Variants in CCSER2 observed in about 807,000 individuals in gnomAD.
CCSER2 encodes the protein coiled-coil serine rich protein 2, also known as serine-rich coiled-coil domain-containing protein 2.
In CCSER2, 46 loss-of-function variants were observed where a neutral mutation model predicts 92.3. That is an observed-to-expected ratio of 0.50 (90% CI 0.39 to 0.64). CCSER2 has a LOEUF of 0.64. Among genes scored for constraint, CCSER2 ranks in the 30% least tolerant of loss-of-function variants. CCSER2 has a pLI of 0.00. For synonymous variants in CCSER2, 433 were observed against 431.4 expected, an observed-to-expected ratio of 1.00 and a Z score of -0.04; for missense variants, 1,244 against 1,238.9, an observed-to-expected ratio of 1.00 and a Z score of -0.06.
At chr10:84,404,482 C>A (rs151284356) in intron 3 of CCSER2, among the ~76,000 whole-genome samples, 2 of 152,018 alleles carry the variant, frequency 1.3e-5, no homozygotes, top group African/African-American at 4.8e-5. Flanking sequence ...CTGGTACAAA[C>A]GGGATATGGA....
At chr10:84,442,003 AC>A (rs1844600360) in intron 6 of CCSER2, among the ~76,000 whole-genome samples, 1 of 151,746 alleles carries the variant, frequency 6.6e-6, no homozygotes, top group Non-Finnish European at 1.5e-5. Flanking sequence ...TGATCTGCCC[AC>A]CTCGGCCTCC....
At chr10:84,335,875 A>G (rs547137016) in intron 1 of CCSER2, among the ~76,000 whole-genome samples, 1 of 152,234 alleles carries the variant, frequency 6.6e-6, no homozygotes, top group East Asian at 1.9e-4. Flanking sequence ...GGGACTATTC[A>G]TAATAGCTAT....
At chr10:84,475,226 T>G (rs973618161) in intron 8 of CCSER2, among the ~76,000 whole-genome samples, 2 of 152,176 alleles carry the variant, frequency 1.3e-5, no homozygotes, top group South Asian at 4.1e-4. Flanking sequence ...TCAGACTAAT[T>G]AAGTTCTAGC....
chr10:84,430,791 G>T (rs1320112896), intron 5 of CCSER2, among the ~76,000 whole-genome samples: 1 of 152,182 alleles, frequency 6.6e-6, no homozygotes, highest in African/African-American at 2.4e-5. Context: ...ATGCTCCTTA[G>T]TTGTTGCAAG....
Position 84,514,050 on chromosome 10 carries a change from T to G in CCSER2, c.2927T>G (p.Leu976Arg). 4 of 1,536,474 alleles carry G rather than the reference T, an allele frequency of 2.6e-6. No individual in the cohort carries two copies. The highest frequency in any genetic ancestry group is 3.5e-6 in the Non-Finnish European group (4 of 1,146,988). ...ACAAATCTTGCAAATAATCAGAATC[T>G]GAAAGCATCTAAGCTCCGCCCCCCC... ...SQTNLANNQNLKASKLRPPSG... is the reference protein window; with the variant it reads ...SQTNLANNQNRKASKLRPPSG... Residue 976 changes from leucine (L) to arginine (R), a missense_variant, in exon 10 of 10, where the codon CTG becomes CGG. Coordinates refer to ENST00000372088, the MANE Select transcript of CCSER2 (RefSeq NM_001284240.2).
chr10:84,424,535 A>G (rs2133426805), intron 4 of CCSER2, among the ~76,000 whole-genome samples: 1 of 152,330 alleles, frequency 6.6e-6, no homozygotes, highest in South Asian at 2.1e-4. Context: ...GAACATCTAT[A>G]CTTTTAAAAC....
chr10:84,380,057 T>C (rs1009250507), intron 3 of CCSER2, among the ~76,000 whole-genome samples: 1 of 152,190 alleles, frequency 6.6e-6, no homozygotes, highest in African/African-American at 2.4e-5. Flanking sequence ...TTTTCAACTT[T>C]AATGATATTA....
At chr10:84,421,839 C>T (rs938900721) in intron 4 of CCSER2, among the ~76,000 whole-genome samples, 5 of 152,104 alleles carry the variant, frequency 3.3e-5, no homozygotes, top group Non-Finnish European at 7.4e-5. Flanking sequence ...TGATTTTATG[C>T]TTAGGCTTGG....
At chr10:84,438,764 C>A in intron 6 of CCSER2, 57 bp downstream of exon 6, 4 of 1,131,692 alleles carry the variant, frequency 3.5e-6, no homozygotes, top group South Asian at 1.8e-5. Flanking sequence ...AATGGATTGA[C>A]TTTAGTTTTT....
chr10:84,341,039 T>G (rs1844149390), intron 1 of CCSER2, among the ~76,000 whole-genome samples: 1 of 143,824 alleles, frequency 7.0e-6, no homozygotes, highest in Non-Finnish European at 1.5e-5. Context: ...ATGTAACACT[T>G]TTTTTTTTTT....
At chr10:84,356,002 CT>C (rs1845148392) in intron 1 of CCSER2, among the ~76,000 whole-genome samples, 1 of 150,064 alleles carries the variant, frequency 6.7e-6, no homozygotes, top group African/African-American at 2.5e-5. Flanking sequence ...ACTTGGGAGG[CT>C]GAGGCAGGAG....
chr10:84,347,644 G>T (rs924901080), intron 1 of CCSER2, among the ~76,000 whole-genome samples: 1 of 151,388 alleles, frequency 6.6e-6, no homozygotes, highest in Non-Finnish European at 1.5e-5. Flanking sequence ...GGGCGGAGAC[G>T]CTCCTGACTT....
chr10:84,372,162 T>G lies in CCSER2; in HGVS notation c.1110T>G (p.Asn370Lys). Residue 370 changes from asparagine (N) to lysine (K), a missense_variant, in exon 2 of 10, where the codon AAT becomes AAG. Asn to Lys is a moderately conservative substitution (Grantham distance 94). Transcript: ENST00000372088. ...AANKDQELIENESYRTKNNQT... is the reference protein window; with the variant it reads ...AANKDQELIEKESYRTKNNQT... ...ATAAGGACCAAGAACTGATTGAAAATGAAAGTTATAGAACAAAAAACAACC... is the reference window on the plus strand; with the variant it reads ...ATAAGGACCAAGAACTGATTGAAAAGGAAAGTTATAGAACAAAAAACAACC... The G allele has an allele frequency of 6.2e-7, 1 of 1,613,538 alleles. No homozygotes were observed. Among genetic ancestry groups the G allele is most frequent in the Non-Finnish European group, 8.5e-7 (1 of 1,179,774 alleles).
intron 5 of CCSER2, among the ~76,000 whole-genome samples, chr10:84,436,069 C>A (rs1018922669): frequency 6.6e-6 from 1 of 152,100 alleles, no homozygotes; most frequent in African/African-American, 2.4e-5. Flanking sequence ...GTGGCCGACG[C>A]CTGTAATCCC....
intron 1 of CCSER2, among the ~76,000 whole-genome samples, chr10:84,356,086 A>G (rs962865061): frequency 2.0e-5 from 3 of 148,712 alleles, no homozygotes; most frequent in Non-Finnish European, 3.0e-5. Flanking sequence ...CTGGGTGACA[A>G]GAGTGAAACT....
At chr10:84,367,382 C>CT (rs36111629) in intron 1 of CCSER2, among the ~76,000 whole-genome samples, 30,603 of 145,758 alleles carry the variant, frequency 0.21, 3,363 homozygotes, top group Admixed American at 0.34. Flanking sequence ...CTCCTCGATA[C>CT]TTTTTTTTTT....
chr10:84,444,059 G>A (rs1252539784), intron 6 of CCSER2, among the ~76,000 whole-genome samples: 1 of 152,038 alleles, frequency 6.6e-6, no homozygotes, highest in Non-Finnish European at 1.5e-5. Flanking sequence ...GTCAATGGGT[G>A]TAGCAAACCG....
rs1375557323 is a variant in CCSER2 at position 84,470,373 on chromosome 10, A to G, written c.2150A>G (p.Asn717Ser). ...EPEDGDKVYK[N>S]EDLLNEIKQL... ...TCTAAAGATTTTTTAATATTTCAGA[A>G]TGAAGATTTATTAAATGAAATAAAA... Residue 717 changes from asparagine to serine, a missense_variant and splice_region_variant, in exon 8 of 10, where the codon AAT becomes AGT. Physicochemically the swap from Asn to Ser is conservative, Grantham distance 46 (BLOSUM62 1). Coordinates refer to ENST00000372088, the MANE Select transcript of CCSER2 (RefSeq NM_001284240.2). 1.1e-5 allele frequency: 15 copies of G among 1,307,710 alleles called. No individual in the cohort carries two copies. The highest frequency in any genetic ancestry group is 1.4e-5 in the Non-Finnish European group (14 of 975,826). 81.0% of individuals were successfully genotyped at this position (1,307,710 alleles called of 1,614,324 possible). A position where few individuals can be genotyped will look rare whatever the true frequency, so the allele number is the denominator to read the frequency against.
At chr10:84,513,255 T>C (rs1169976237) in intron 9 of CCSER2, among the ~76,000 whole-genome samples, 194 bp from the exon 10 acceptor site, 1 of 152,194 alleles carries the variant, frequency 6.6e-6, no homozygotes, top group Non-Finnish European at 1.5e-5. Context: ...CTGTATCATT[T>C]TTTGTTTGCA....
Sources: gnomAD v4.1 joint callset for allele counts (sites outside exome capture counted in the v4.1 genomes callset) on GRCh38, gnomAD v4.1.1 for gene constraint, MANE v1.5 for transcripts, NCBI Gene and HGNC (gene_info 2026-07-23, HGNC 2026-07-21) for gene names.